OIP5: variants seen among roughly 807,000 people sequenced by gnomAD.
The protein encoded by OIP5 is Opa interacting protein 5, also known as protein Mis18-beta.
OIP5 carries 24 observed loss-of-function variants against 20.3 expected under a neutral mutation model. The observed-to-expected ratio is 1.18, with a 90% CI of 0.86 to 1.66. OIP5 has a LOEUF of 1.66. OIP5 is among the 40% of genes most tolerant of loss of function. The probability of loss-of-function intolerance (pLI) is 0.00; values close to 1 mark genes in which losing one functional copy is unlikely to be tolerated. For synonymous variants in OIP5, 143 were observed against 121.3 expected, an observed-to-expected ratio of 1.18 and a Z score of -1.17; for missense variants, 339 against 289.5, an observed-to-expected ratio of 1.17 and a Z score of -1.24.
intron 2 of OIP5, among the ~76,000 whole-genome samples, chr15:41,331,211 TGAC>T (rs2047905176): frequency 6.6e-6 from 1 of 152,214 alleles, no homozygotes; most frequent in Non-Finnish European, 1.5e-5. Context: ...CCAAATTCAC[TGAC>T]TACTTTATTG....
At chr15:41,329,318 T>G (rs1277390013) in intron 2 of OIP5, among the ~76,000 whole-genome samples, 1 of 149,258 alleles carries the variant, frequency 6.7e-6, no homozygotes, top group Non-Finnish European at 1.5e-5. Context: ...CTCTAGTTTT[T>G]TTTTTTTTTT....
intron 4 of OIP5, among the ~76,000 whole-genome samples, chr15:41,312,785 C>A (rs150842836): frequency 0.015 from 2,275 of 152,190 alleles, 67 homozygotes; most frequent in African/African-American, 0.053. Context: ...CGTGCCACCA[C>A]GCCCGGCTAA....
At chr15:41,323,845 T>C (rs2047844771) in intron 2 of OIP5, among the ~76,000 whole-genome samples, 2 of 152,198 alleles carry the variant, frequency 1.3e-5, no homozygotes, top group Admixed American at 6.6e-5. Context: ...AACAGAAGGC[T>C]GTTTCATCTG....
chr15:41,315,806 G>GT (rs1006296519), intron 3 of OIP5, among the ~76,000 whole-genome samples: 20 of 152,028 alleles, frequency 1.3e-4, no homozygotes, highest in African/African-American at 4.1e-4. Flanking sequence ...CACATTTACA[G>GT]TTTTTTTTCC....
intron 2 of OIP5, among the ~76,000 whole-genome samples, chr15:41,324,348 A>C (rs1040470882): frequency 6.6e-6 from 1 of 152,050 alleles, no homozygotes; most frequent in Non-Finnish European, 1.5e-5. Flanking sequence ...CAGCCTTCAC[A>C]GAATTGAACA....
At position 41,319,667 on chromosome 15, in the gene OIP5, T is replaced by G. The variant is rs2047810722; in HGVS notation, c.503A>C (p.Lys168Thr). 3 of 1,613,236 alleles carry G rather than the reference T, an allele frequency of 1.9e-6. No homozygotes were observed. The East Asian group carries it at 6.7e-5, about 36-fold the overall frequency. The part of the protein sequence containing the change: ...LRGHFCLSSD[K>T]MVCYLLKTKA... ...ATCTAAGTCTACTCACCACACCATT[T>G]TGTCACTGGAAAGGCAGAAGTGACC... The change falls in exon 3 of 5, where the codon AAA becomes ACA. Residue 168 changes from lysine (K) to threonine (T), a missense_variant. Physicochemically the swap from Lys to Thr is moderately conservative, Grantham distance 78 (BLOSUM62 -1). Coordinates refer to ENST00000220514, the MANE Select transcript of OIP5 (RefSeq NM_007280.2).
Position 41,326,625 on chromosome 15 carries a change from C to T in OIP5, c.389+5290G>A, listed in dbSNP as rs142238567. ...TCTTTTACTAGACACGGGGTTTCCC[C>T]GTGTTGGCCAGGCTGGTCTCGAACT... is the stretch of plus-strand genomic sequence containing the variant. On this transcript the variant is annotated intron_variant, in intron 2 of 4. Coordinates refer to ENST00000220514, the MANE Select transcript of OIP5 (RefSeq NM_007280.2). Among the ~76,000 whole-genome samples, 296 of 152,328 alleles carry T rather than the reference C, an allele frequency of 1.9e-3. 1 individual carries two copies. The highest frequency in any genetic ancestry group is 6.9e-3 in the African/African-American group (288 of 41,574).
At chr15:41,324,352 T>C (rs2047848627) in intron 2 of OIP5, among the ~76,000 whole-genome samples, 1 of 152,144 alleles carries the variant, frequency 6.6e-6, no homozygotes, top group African/African-American at 2.4e-5. Context: ...CTTCACAGAA[T>C]TGAACAGAGT....
At chr15:41,313,969 A>C (rs2140459046) in intron 3 of OIP5, among the ~76,000 whole-genome samples, 1 of 152,318 alleles carries the variant, frequency 6.6e-6, no homozygotes, top group Middle Eastern at 3.4e-3. Context: ...AATTAAAGAC[A>C]AAAACCAGGC....
chr15:41,321,194 G>A (rs1360163717), intron 2 of OIP5, among the ~76,000 whole-genome samples: 1 of 150,908 alleles, frequency 6.6e-6, no homozygotes, highest in Non-Finnish European at 1.5e-5. Flanking sequence ...CCGTCCAGGA[G>A]GGAGGTGGGG....
At chr15:41,328,874 A>G (rs1201311463) in intron 2 of OIP5, among the ~76,000 whole-genome samples, 1 of 152,028 alleles carries the variant, frequency 6.6e-6, no homozygotes, top group African/African-American at 2.4e-5. Flanking sequence ...CATGGCCAAC[A>G]TGGTGAAACC....
At chr15:41,330,431 T>C (rs1178935707) in intron 2 of OIP5, among the ~76,000 whole-genome samples, 4 of 137,328 alleles carry the variant, frequency 2.9e-5, no homozygotes, top group Non-Finnish European at 6.5e-5. Context: ...TTTTTTTTGA[T>C]ACGGAGTCTG....
chr15:41,320,326 A>G (rs963269776), intron 2 of OIP5, among the ~76,000 whole-genome samples: 4 of 152,052 alleles, frequency 2.6e-5, no homozygotes, highest in African/African-American at 9.7e-5. Context: ...CTCTGATGCC[A>G]AGCCAAAGCT....
chr15:41,316,083 G>A (rs919566106), intron 3 of OIP5, among the ~76,000 whole-genome samples: 9 of 152,024 alleles, frequency 5.9e-5, no homozygotes, highest in Non-Finnish European at 1.0e-4. Flanking sequence ...AGCCGAGATG[G>A]TGCCACTGCA....
chr15:41,321,496 G>A (rs1421822108), intron 2 of OIP5, among the ~76,000 whole-genome samples: 1 of 152,336 alleles, frequency 6.6e-6, no homozygotes, highest in South Asian at 2.1e-4. Flanking sequence ...GGAAAGGTGG[G>A]GAAAAGATTG....
chr15:41,328,947 T>C (rs2047879165), intron 2 of OIP5, among the ~76,000 whole-genome samples: 1 of 150,346 alleles, frequency 6.7e-6, no homozygotes, highest in Non-Finnish European at 1.5e-5. Context: ...GCGCCTGGAA[T>C]CCCAGCTACT....
intron 3 of OIP5, 50 bp from the exon 4 acceptor site, chr15:41,313,404 T>C: frequency 9.6e-7 from 1 of 1,044,868 alleles, no homozygotes; most frequent in South Asian, 1.4e-5. Flanking sequence ...GTTAAGATTA[T>C]AAAAGAACCA....
Position 41,324,638 on chromosome 15 carries a change from C to T in OIP5, c.390-4858G>A, listed in dbSNP as rs8037236. Among the ~76,000 whole-genome samples the T allele has an allele frequency of 6.0e-3, 914 of 152,134 alleles. 8 individuals are homozygous for T. Among genetic ancestry groups the T allele is most frequent in the African/African-American group, 0.021 (884 of 41,514 alleles). On this transcript the variant is annotated intron_variant, in intron 2 of 4. Transcript: ENST00000220514. Reference sequence around the variant, plus strand: ...CCAAAGAGCTGGAATTACAGGTGTGCGCCACCATGCCCGGCTAATTTTGTA... The same window carrying T: ...CCAAAGAGCTGGAATTACAGGTGTGTGCCACCATGCCCGGCTAATTTTGTA...
intron 3 of OIP5, among the ~76,000 whole-genome samples, chr15:41,318,300 C>G (rs924553226): frequency 6.6e-6 from 1 of 152,112 alleles, no homozygotes; most frequent in African/African-American, 2.4e-5. Context: ...TAGCTGCGAC[C>G]ACAGGCGTGT....
Sources: gnomAD v4.1 joint callset for allele counts (sites outside exome capture counted in the v4.1 genomes callset) on GRCh38, gnomAD v4.1.1 for gene constraint, MANE v1.5 for transcripts, NCBI Gene and HGNC (gene_info 2026-07-23, HGNC 2026-07-21) for gene names.